RBMS3: variants seen among roughly 807,000 people sequenced by gnomAD.
RBMS3 encodes the protein RNA-binding motif, single-stranded-interacting protein 3.
RBMS3 carries 27 observed loss-of-function variants against 66.8 expected under a neutral mutation model. That is an observed-to-expected ratio of 0.40 (90% confidence interval 0.30 to 0.56). The LOEUF (loss-of-function observed/expected upper bound fraction) is 0.56. Ranked by LOEUF, RBMS3 falls within the 20% of genes least tolerant of loss-of-function variation. The pLI, the probability that RBMS3 is intolerant of heterozygous loss-of-function variation, is 0.40. For synonymous variants in RBMS3, 188 were observed against 183.0 expected (o/e 1.03, Z -0.22); for missense variants, 513 against 549.5 (o/e 0.93, Z 0.66).
At chr3:29,716,734 G>C (rs560097604) in intron 4 of RBMS3, among the ~76,000 whole-genome samples, 15 of 152,112 alleles carry the variant, frequency 9.9e-5, no homozygotes, top group Non-Finnish European at 1.6e-4. Flanking sequence ...AGGCAAAAAA[G>C]GCATCTACAT....
intron 2 of RBMS3, among the ~76,000 whole-genome samples, chr3:29,440,567 G>A (rs964369326): frequency 3.9e-5 from 6 of 152,090 alleles, no homozygotes; most frequent in Non-Finnish European, 8.8e-5. Flanking sequence ...TGACACCCTA[G>A]CATTTCCCCC....
chr3:29,673,767 C>G (rs2051109468), intron 4 of RBMS3, among the ~76,000 whole-genome samples: 2 of 151,998 alleles, frequency 1.3e-5, no homozygotes, highest in African/African-American at 4.8e-5. Context: ...AGTTAATAGC[C>G]TACCAACCAA....
At chr3:29,936,299 C>A in intron 11 of RBMS3, 103 bp downstream of exon 11, 2 of 1,053,940 alleles carry the variant, frequency 1.9e-6, no homozygotes, top group Non-Finnish European at 2.8e-6. Context: ...GTACCATATT[C>A]GTTGACTAAC....
At chr3:29,673,360 A>C (rs1332027534) in intron 4 of RBMS3, among the ~76,000 whole-genome samples, 1 of 152,190 alleles carries the variant, frequency 6.6e-6, no homozygotes, top group African/African-American at 2.4e-5. Context: ...GAGCAAACAC[A>C]TTCAAAAGCT....
intron 1 of RBMS3, among the ~76,000 whole-genome samples, chr3:29,384,435 T>TAATAATAAG (rs776357215): frequency 0.043 from 6,009 of 140,954 alleles, 152 homozygotes; most frequent in Admixed American, 0.055. Flanking sequence ...ATAATAATAA[T>TAATAATAAG]AAGAAGAAGA....
intron 4 of RBMS3, among the ~76,000 whole-genome samples, chr3:29,667,571 T>C (rs997277417): frequency 6.6e-6 from 1 of 152,196 alleles, no homozygotes; most frequent in Non-Finnish European, 1.5e-5. Flanking sequence ...TATAAGATAC[T>C]ATGTCTTATG....
At chr3:29,411,998 G>A (rs781741282) in intron 1 of RBMS3, among the ~76,000 whole-genome samples, 1 of 152,194 alleles carries the variant, frequency 6.6e-6, no homozygotes, top group Non-Finnish European at 1.5e-5. Flanking sequence ...TAAGACTTTT[G>A]AAGAAGTCAA....
chr3:29,707,834 G>A (rs1037082729), intron 4 of RBMS3, among the ~76,000 whole-genome samples: 3 of 152,188 alleles, frequency 2.0e-5, no homozygotes, highest in African/African-American at 7.2e-5. Flanking sequence ...ACAGGTCAAG[G>A]CTTTTCATTT....
At chr3:29,623,144 T>G in intron 4 of RBMS3, among the ~76,000 whole-genome samples, 1 of 117,004 alleles carries the variant, frequency 8.5e-6, no homozygotes. Flanking sequence ...GAAGTTTCTG[T>G]GAGAATTAAA....
chr3:29,867,656 G>C (rs1421170304), intron 6 of RBMS3, among the ~76,000 whole-genome samples: 1 of 150,676 alleles, frequency 6.6e-6, no homozygotes, highest in Non-Finnish European at 1.5e-5. Flanking sequence ...TCAAGCTCCT[G>C]GTCATGTCTC....
At chr3:29,304,041 C>A (rs34574066) in intron 1 of RBMS3, among the ~76,000 whole-genome samples, 45 of 151,870 alleles carry the variant, frequency 3.0e-4, no homozygotes, top group Non-Finnish European at 6.0e-4. Flanking sequence ...CCCACCAGGT[C>A]CCTCCCACAA....
chr3:29,944,139 AG>A, intron 11 of RBMS3, 67 bp from the exon 12 acceptor site: 1 of 1,413,144 alleles, frequency 7.1e-7, no homozygotes, highest in Non-Finnish European at 1.0e-6. Flanking sequence ...TCCACGTGTT[AG>A]GGCTGATTCT....
At chr3:29,451,689 A>G (rs916742537) in intron 2 of RBMS3, among the ~76,000 whole-genome samples, 3 of 152,054 alleles carry the variant, frequency 2.0e-5, no homozygotes, top group African/African-American at 4.8e-5. Flanking sequence ...ACTTTTTTTC[A>G]TCTTGGATCA....
At chr3:29,946,466 GT>G (rs1695319247) in intron 12 of RBMS3, among the ~76,000 whole-genome samples, 1 of 151,638 alleles carries the variant, frequency 6.6e-6, no homozygotes, top group African/African-American at 2.4e-5. Flanking sequence ...CAACTTCTGA[GT>G]GGTAGACACT....
rs781608608 is a variant in RBMS3 at position 30,006,263 on chromosome 3, G to A, written c.*2401G>A. On this transcript the variant is annotated 3_prime_UTR_variant, in exon 15 of 15. Coordinates refer to ENST00000383767, the MANE Select transcript of RBMS3 (RefSeq NM_001003793.3). ...AATCATATTCCCATTAGGTCAACATGAGTAATAAGGTTGACTCATGTGAAA... is the reference window on the plus strand; with the variant it reads ...AATCATATTCCCATTAGGTCAACATAAGTAATAAGGTTGACTCATGTGAAA... 1 of 151,874 alleles carries A rather than the reference G, an allele frequency of 6.6e-6. No homozygotes were observed. Among genetic ancestry groups the A allele is most frequent in the Non-Finnish European group, 1.5e-5 (1 of 67,832 alleles). The allele number at this position is 151,874 out of a possible 1,614,324, so 9.4% of individuals were successfully genotyped here. A position where few individuals can be genotyped will look rare whatever the true frequency, so the allele number is the denominator to read the frequency against.
At chr3:29,388,864 C>T (rs950179154) in intron 1 of RBMS3, among the ~76,000 whole-genome samples, 1 of 152,058 alleles carries the variant, frequency 6.6e-6, no homozygotes, top group Non-Finnish European at 1.5e-5. Flanking sequence ...GCGCCTGGCC[C>T]AAAATTTTTC....
chr3:29,621,522 A>G (rs1156895947), intron 4 of RBMS3, among the ~76,000 whole-genome samples: 3 of 152,192 alleles, frequency 2.0e-5, no homozygotes, highest in Non-Finnish European at 4.4e-5. Flanking sequence ...GATGGTTGTT[A>G]TATCTGTAGA....
chr3:29,359,716 A>C (rs1228100328), intron 1 of RBMS3, among the ~76,000 whole-genome samples: 1 of 152,096 alleles, frequency 6.6e-6, no homozygotes, highest in African/African-American at 2.4e-5. Flanking sequence ...TATTGCCTCA[A>C]TTTCAGAGCC....
intron 2 of RBMS3, among the ~76,000 whole-genome samples, chr3:29,469,883 T>G (rs1412557310): frequency 6.7e-6 from 1 of 149,474 alleles, no homozygotes; most frequent in Non-Finnish European, 1.5e-5. Flanking sequence ...TTTTACATCT[T>G]TTATATATTT....
Sources: gnomAD v4.1 joint callset for allele counts (sites outside exome capture counted in the v4.1 genomes callset) on GRCh38, gnomAD v4.1.1 for gene constraint, MANE v1.5 for transcripts, NCBI Gene and HGNC (gene_info 2026-07-23, HGNC 2026-07-21) for gene names.